Variants in KCNMA1 observed in about 807,000 individuals in gnomAD.
KCNMA1 encodes the protein Calcium-activated potassium channel subunit alpha-1.
A neutral mutation model predicts 140.0 loss-of-function variants in KCNMA1; 29 were observed. The observed-to-expected ratio is 0.21, with a 90% CI of 0.15 to 0.28. KCNMA1 has a LOEUF of 0.28. Among genes scored for constraint, KCNMA1 ranks in the 10% least tolerant of loss-of-function variants. The pLI is 1.00. For synonymous variants in KCNMA1, 612 were observed against 611.9 expected (o/e 1.00, Z 0.00); for missense variants, 880 against 1,602.2 (o/e 0.55, Z 7.70).
intron 16 of KCNMA1, among the ~76,000 whole-genome samples, chr10:77,025,240 G>A (rs1383581800): frequency 4.6e-5 from 3 of 65,370 alleles, no homozygotes; most frequent in East Asian, 4.2e-4. Flanking sequence ...AGGGGTGTGT[G>A]TGTATATATA....
At chr10:77,392,159 G>A (rs644788) in intron 2 of KCNMA1, among the ~76,000 whole-genome samples, 42,487 of 123,732 alleles carry the variant, frequency 0.34, 8,576 homozygotes, top group Non-Finnish European at 0.46. Context: ...AGGGAGGAAG[G>A]GAGGGAGGGA....
At position 76,947,993 on chromosome 10, in the gene KCNMA1, TTGTTTCTTG is replaced by T. The variant is rs149897667; in HGVS notation, c.2709+1140_2709+1148del. Among the ~76,000 whole-genome samples, 14 of 4,598 alleles carry T rather than the reference TTGTTTCTTG, an allele frequency of 3.0e-3. No homozygotes were observed. The South Asian group carries it at 0.056, about 18-fold the overall frequency. The allele number at this position is 4,598 out of a possible 152,430, so 3.0% of individuals were successfully genotyped here. ...ATGTAGAGAAATCCATGTTCCTCAGTTGTTTCTTGTTTTGTTTTTGTTTTTGTTTGAGGC... is the reference window on the plus strand; with the variant it reads ...ATGTAGAGAAATCCATGTTCCTCAGTTTTTGTTTTTGTTTTTGTTTGAGGC... On this transcript the variant is annotated intron_variant, in intron 22 of 27. Transcript: ENST00000286628.
chr10:77,198,697 T>G (rs1446826271), intron 3 of KCNMA1, among the ~76,000 whole-genome samples: 1 of 151,838 alleles, frequency 6.6e-6, no homozygotes, highest in Admixed American at 6.6e-5. Context: ...ATCTAAAAAC[T>G]AGTTTCCTGT....
At chr10:77,571,661 A>C (rs2071401904) in intron 1 of KCNMA1, among the ~76,000 whole-genome samples, 1 of 151,920 alleles carries the variant, frequency 6.6e-6, no homozygotes. Flanking sequence ...CAGAAATCTC[A>C]TTTCCAACTC....
intron 9 of KCNMA1, among the ~76,000 whole-genome samples, chr10:77,104,877 C>A (rs1182852516): frequency 1.3e-5 from 2 of 152,188 alleles, no homozygotes; most frequent in Admixed American, 1.3e-4. Context: ...GCGTCACCAG[C>A]CCTCAGGCCT....
At chr10:76,992,740 T>G (rs2083150224) in intron 19 of KCNMA1, among the ~76,000 whole-genome samples, 1 of 152,100 alleles carries the variant, frequency 6.6e-6, no homozygotes, top group South Asian at 2.1e-4. Context: ...CTGACATAAG[T>G]AAGGACACAG....
At chr10:77,541,221 AAGAC>A (rs1397863773) in intron 1 of KCNMA1, among the ~76,000 whole-genome samples, 15 of 152,196 alleles carry the variant, frequency 9.9e-5, no homozygotes, top group African/African-American at 3.6e-4. Flanking sequence ...TACCTATTAA[AAGAC>A]AGAGATTATC....
chr10:77,454,583 G>C (rs534969065), intron 1 of KCNMA1, among the ~76,000 whole-genome samples: 8 of 152,298 alleles, frequency 5.3e-5, no homozygotes, highest in Admixed American at 5.2e-4. Context: ...CCCTAAGTTA[G>C]ATGACTCCTC....
chr10:77,392,121 T>C (rs944716829), intron 2 of KCNMA1, among the ~76,000 whole-genome samples: 1 of 130,862 alleles, frequency 7.6e-6, no homozygotes, highest in East Asian at 2.3e-4. Flanking sequence ...GACGGAGGAA[T>C]GGAATGAGGC....
rs1382580985 is a variant in KCNMA1 at position 77,108,328 on chromosome 10, C to T, written c.1223+153G>A. On this transcript the variant is annotated intron_variant, in intron 9 of 27. Coordinates refer to ENST00000286628, the MANE Select transcript of KCNMA1 (RefSeq NM_001161352.2). The surrounding 1 kb of genome is among the most constrained non-coding windows in gnomAD (Gnocchi z 4.6). ...GTTAAAAGTCCCGCCGAATTTATTCCGACTCAGGATGAGAGCAGCAATTTC... is the reference window on the plus strand; with the variant it reads ...GTTAAAAGTCCCGCCGAATTTATTCTGACTCAGGATGAGAGCAGCAATTTC... 1.4e-5 allele frequency: 22 copies of T among 1,545,506 alleles called. No homozygotes were observed. The highest frequency in any genetic ancestry group is 1.1e-4 in the East Asian group (5 of 43,506).
intron 2 of KCNMA1, among the ~76,000 whole-genome samples, chr10:77,342,981 T>C (rs2154377716): frequency 6.6e-6 from 1 of 152,230 alleles, no homozygotes; most frequent in South Asian, 2.1e-4. Flanking sequence ...GCTTTGACCT[T>C]GAGAAAGAAC....
chr10:76,943,175 T>G (rs1378572456), intron 23 of KCNMA1, among the ~76,000 whole-genome samples: 1 of 152,212 alleles, frequency 6.6e-6, no homozygotes, highest in Non-Finnish European at 1.5e-5. Flanking sequence ...TTCTCGCCTG[T>G]GCTACCCGGG....
intron 9 of KCNMA1, among the ~76,000 whole-genome samples, chr10:77,106,598 C>A (rs541758024): frequency 5.8e-4 from 88 of 151,876 alleles, no homozygotes; most frequent in Middle Eastern, 3.4e-3. Flanking sequence ...GCCTTCAGGG[C>A]AATTGATTTT....
At chr10:77,200,761 C>T (rs530388387) in intron 3 of KCNMA1, among the ~76,000 whole-genome samples, 90 of 152,208 alleles carry the variant, frequency 5.9e-4, no homozygotes, top group African/African-American at 2.1e-3. Flanking sequence ...ATAGGGGTAC[C>T]TGGACATAGT....
intron 2 of KCNMA1, among the ~76,000 whole-genome samples, chr10:77,316,366 G>A (rs555168731): frequency 2.0e-5 from 3 of 152,282 alleles, no homozygotes; most frequent in Admixed American, 6.5e-5. Context: ...CCTCAGGTTT[G>A]GGAAGTCAGC....
intron 6 of KCNMA1, among the ~76,000 whole-genome samples, chr10:77,120,664 C>G (rs1467995128): frequency 3.9e-5 from 6 of 152,154 alleles, no homozygotes; most frequent in Admixed American, 3.9e-4. Flanking sequence ...GCACCTTTCC[C>G]CTTGACACCG....
intron 5 of KCNMA1, among the ~76,000 whole-genome samples, chr10:77,144,668 T>A (rs2098254021): frequency 6.6e-6 from 1 of 152,158 alleles, no homozygotes; most frequent in Admixed American, 6.5e-5. Context: ...CAGAGTCTGC[T>A]TGTACCAATT....
At chr10:76,959,552 G>A (rs981560206) in intron 20 of KCNMA1, among the ~76,000 whole-genome samples, 3 of 152,148 alleles carry the variant, frequency 2.0e-5, no homozygotes, top group Admixed American at 6.5e-5. Flanking sequence ...CTGACCTAGA[G>A]CATGTCCTCA....
At chr10:77,139,065 T>C (rs564883847) in intron 5 of KCNMA1, among the ~76,000 whole-genome samples, 42 of 152,342 alleles carry the variant, frequency 2.8e-4, no homozygotes, top group Non-Finnish European at 3.5e-4. Flanking sequence ...CACTACCAAG[T>C]GCACCCTCTT....
Sources: allele counts gnomAD v4.1 joint callset (sites outside exome capture counted in the v4.1 genomes callset), GRCh38; gene constraint gnomAD v4.1.1; non-coding constraint Gnocchi (gnomAD v3.1); transcripts MANE v1.5; gene names NCBI Gene and HGNC (gene_info 2026-07-23, HGNC 2026-07-21).